Variants in NAP1L4 observed in about 807,000 individuals in gnomAD.
NAP1L4 encodes nucleosome assembly protein 1 like 4.
In NAP1L4, 15 loss-of-function variants were observed where a neutral mutation model predicts 58.2. That is an observed-to-expected ratio of 0.26 (90% confidence interval 0.17 to 0.40). The LOEUF (loss-of-function observed/expected upper bound fraction) is 0.40. NAP1L4 is among the 10% of genes least tolerant of loss of function. The probability of loss-of-function intolerance (pLI) is 1.00; values close to 1 mark genes in which losing one functional copy is unlikely to be tolerated. For missense variants in NAP1L4, 384 were observed against 451.1 expected (o/e 0.85, Z 1.35); for synonymous variants, 171 against 155.6 (o/e 1.10, Z -0.74).
rs1846404200 is a variant in NAP1L4 at position 2,954,373 on chromosome 11, C to T, written c.1035+154G>A. The stretch of plus-strand genomic sequence containing the variant: ...GACTTCTCCTCTTCAAGCGTATTCC[C>T]CCCACAACAAGGACAGCAGCTTGGA... On this transcript the variant is annotated intron_variant, in intron 12 of 15. Transcript: ENST00000380542. This position sits in a 1 kb window ranked among gnomAD's most constrained non-coding sequence, Gnocchi z 4.8. 1.8e-6 allele frequency: 2 copies of T among 1,104,970 alleles called. No homozygotes were observed. Among genetic ancestry groups the T allele is most frequent in the African/African-American group, 1.6e-5 (1 of 64,506 alleles). The allele number at this position is 1,104,970 out of a possible 1,614,324, so 68.4% of individuals were successfully genotyped here.
chr11:2,988,049 T>C (rs983530916), intron 1 of NAP1L4: 6 of 152,346 alleles, frequency 3.9e-5, no homozygotes, highest in Admixed American at 2.0e-4. Context: ...CATTCATGTT[T>C]GGTTACAAGA....
intron 1 of NAP1L4, among the ~76,000 whole-genome samples, chr11:2,986,148 C>A (rs1001569071): frequency 3.3e-5 from 5 of 151,894 alleles, no homozygotes; most frequent in African/African-American, 4.8e-5. Context: ...CCAAGGCGGG[C>A]GGATCACATG....
intron 1 of NAP1L4, among the ~76,000 whole-genome samples, chr11:2,986,316 G>C (rs1848612914): frequency 6.6e-6 from 1 of 150,550 alleles, no homozygotes; most frequent in Non-Finnish European, 1.5e-5. Context: ...GGAGGTTGTA[G>C]TGAGCCAAGA....
At chr11:2,985,096 T>G (rs950674216) in intron 1 of NAP1L4, among the ~76,000 whole-genome samples, 2 of 152,234 alleles carry the variant, frequency 1.3e-5, no homozygotes, top group African/African-American at 2.4e-5. Context: ...AATAATTTTG[T>G]GCATGAAACA....
chr11:2,966,154 G>C (rs1317531477), intron 7 of NAP1L4, among the ~76,000 whole-genome samples: 1 of 152,088 alleles, frequency 6.6e-6, no homozygotes, highest in Non-Finnish European at 1.5e-5. Flanking sequence ...GTTGCATTAA[G>C]TTTTTCTTAA....
At chr11:2,950,531 T>G (rs943381033) in intron 14 of NAP1L4, among the ~76,000 whole-genome samples, 1 of 152,194 alleles carries the variant, frequency 6.6e-6, no homozygotes, top group Non-Finnish European at 1.5e-5. Context: ...CAGCCCATAA[T>G]ATACTTAATT....
chr11:2,972,225 T>C lies in NAP1L4; in HGVS notation c.192A>G (p.Lys64=). 6.2e-7 allele frequency: 1 copy of C among 1,609,812 alleles called. No individual in the cohort carries two copies. Among genetic ancestry groups the C allele is most frequent in the East Asian group, 2.2e-5 (1 of 44,612 alleles). The part of the protein sequence containing the change: ...SYIETLPKAV[K]RRINALKQLQ... ...GTTGTTTCAATGCATTAATTCTTCT[T>C]TTTACTGCTTTAGGTAAACTAAAAA... is the stretch of plus-strand genomic sequence containing the variant. Residue 64 remains lysine (K), a synonymous_variant, in exon 5 of 16, where the codon AAA becomes AAG. Coordinates refer to ENST00000380542, the MANE Select transcript of NAP1L4 (RefSeq NM_005969.4).
intron 4 of NAP1L4, among the ~76,000 whole-genome samples, chr11:2,975,152 TAAAAAAA>T (rs376072968): frequency 7.0e-5 from 10 of 142,524 alleles, no homozygotes; most frequent in Non-Finnish European, 1.1e-4. Flanking sequence ...CTCATCCCTT[TAAAAAAA>T]AAAAAAAAAA....
At position 2,948,705 on chromosome 11, in the gene NAP1L4, A is replaced by C. The variant is rs1308434052; in HGVS notation, c.*32+522T>G. On this transcript the variant is annotated intron_variant, in intron 15 of 15. Coordinates refer to ENST00000380542, the MANE Select transcript of NAP1L4 (RefSeq NM_005969.4). This position sits in a 1 kb window ranked among gnomAD's most constrained non-coding sequence, Gnocchi z 5.1. ...ACAGATGCCAGTTCATGTTTCAGAT[A>C]AAAAATGCTGGCACAGTAAAAGCTG... 1.3e-5 allele frequency among the ~76,000 whole-genome samples: 2 copies of C among 152,200 alleles called. No homozygotes were observed. Among genetic ancestry groups the C allele is most frequent in the Admixed American group, 6.5e-5 (1 of 15,290 alleles).
Position 2,971,346 on chromosome 11 carries a change from G to A in NAP1L4, c.402+102C>T. On this transcript the variant is annotated intron_variant, in intron 6 of 15. Coordinates refer to ENST00000380542, the MANE Select transcript of NAP1L4 (RefSeq NM_005969.4). This position sits in a 1 kb window ranked among gnomAD's most constrained non-coding sequence, Gnocchi z 4.2. ...ACCTAATGATGCAGCAGCACCTACT[G>A]TTAGAAGCACATAAGTTTACTAGTC... 3.0e-6 allele frequency: 3 copies of A among 992,792 alleles called. No homozygotes were observed. The highest frequency in any genetic ancestry group is 4.5e-6 in the Non-Finnish European group (3 of 660,914). 61.5% of individuals were successfully genotyped at this position (992,792 alleles called of 1,614,324 possible). A position where few individuals can be genotyped will look rare whatever the true frequency, so the allele number is the denominator to read the frequency against.
Position 2,949,208 on chromosome 11 carries a change from G to C in NAP1L4, c.*32+19C>G, listed in dbSNP as rs191722224. 7.7e-6 allele frequency: 12 copies of C among 1,564,606 alleles called. No homozygotes were observed. In the Admixed American group the frequency reaches 1.3e-4, roughly 18 times the overall value. ...GATCAGAAGTTTGGAAGTTAGGTAT[G>C]AATGGAATTCCACCTTACCTAGAAA... is the stretch of plus-strand genomic sequence containing the variant. On this transcript the variant is annotated intron_variant, in intron 15 of 15. Transcript: ENST00000380542. The surrounding 1 kb of genome is among the most constrained non-coding windows in gnomAD (Gnocchi z 4.0).
rs2133914095 is a variant in NAP1L4 at position 2,954,440 on chromosome 11, G to A, written c.1035+87C>T. On this transcript the variant is annotated intron_variant, in intron 12 of 15. Transcript: ENST00000380542. The surrounding 1 kb of genome is among the most constrained non-coding windows in gnomAD (Gnocchi z 4.8). ...TGATGTAATAAAAAGATTAGGCATG[G>A]GGGTTTCCTAAGCCACAATTCAGGG... 1.9e-6 allele frequency: 3 copies of A among 1,583,716 alleles called. No homozygotes were observed. Among genetic ancestry groups the A allele is most frequent in the Non-Finnish European group, 1.7e-6 (2 of 1,153,456 alleles).
intron 1 of NAP1L4, chr11:2,991,481 G>A (rs1848962891): frequency 5.2e-6 from 1 of 192,460 alleles, no homozygotes; most frequent in Non-Finnish European, 1.1e-5. Context: ...GTGAAAGACG[G>A]TTTTAAATAG....
Position 2,959,714 on chromosome 11 carries a change from C to CA in NAP1L4, c.746+55dup, listed in dbSNP as rs1846743646. On this transcript the variant is annotated intron_variant, in intron 9 of 15. Transcript: ENST00000380542. The surrounding 1 kb of genome is among the most constrained non-coding windows in gnomAD (Gnocchi z 4.9). ...TACTTCTATCTTACCCATCAAGTTACAAAATTATCTTTTGATTTTGTTTCA... is the reference window on the plus strand; with the variant it reads ...TACTTCTATCTTACCCATCAAGTTACAAAAATTATCTTTTGATTTTGTTTCA... 1 of 1,601,506 alleles carries CA rather than the reference C, an allele frequency of 6.2e-7. No individual in the cohort carries two copies. Among genetic ancestry groups the CA allele is most frequent in the Non-Finnish European group, 8.5e-7 (1 of 1,172,722 alleles).
chr11:2,960,002 T>C, intron 8 of NAP1L4, 93 bp from the exon 9 acceptor site: 2 of 1,337,120 alleles, frequency 1.5e-6, no homozygotes, highest in Non-Finnish European at 2.1e-6. Context: ...AGAAGCTATT[T>C]TGGGAAAGCT....
At chr11:2,968,784 C>T (rs1305855684) in intron 7 of NAP1L4, among the ~76,000 whole-genome samples, 2 of 152,126 alleles carry the variant, frequency 1.3e-5, no homozygotes, top group Admixed American at 6.5e-5. Flanking sequence ...TTTCTGGGGA[C>T]GCTGGAGCAA....
At chr11:2,969,259 G>A (rs921177684) in intron 7 of NAP1L4, among the ~76,000 whole-genome samples, 2 of 152,024 alleles carry the variant, frequency 1.3e-5, no homozygotes, top group African/African-American at 2.4e-5. Context: ...CTACAGACAT[G>A]AGCCACCATG....
intron 8 of NAP1L4, among the ~76,000 whole-genome samples, chr11:2,962,718 C>G (rs1245838799): frequency 6.6e-6 from 1 of 151,554 alleles, no homozygotes; most frequent in Non-Finnish European, 1.5e-5. Flanking sequence ...GAGCTCTAGT[C>G]TATGAGTCAC....
chr11:2,992,114 C>A, intron 1 of NAP1L4, 140 bp downstream of exon 1: 1 of 151,548 alleles, frequency 6.6e-6, no homozygotes, highest in South Asian at 1.8e-4. Context: ...GAACGCGGCC[C>A]CGCCCCTGCC....
Sources: allele counts gnomAD v4.1 joint callset (sites outside exome capture counted in the v4.1 genomes callset), GRCh38; gene constraint gnomAD v4.1.1; non-coding constraint Gnocchi (gnomAD v3.1); transcripts MANE v1.5; gene names NCBI Gene and HGNC (gene_info 2026-07-23, HGNC 2026-07-21).